The following SLC12A3 variants were observed in gnomAD, a reference collection of about 807,000 sequenced individuals.
SLC12A3 encodes solute carrier family 12 member 3.
Under a neutral mutation model 121.0 loss-of-function variants are expected in SLC12A3, and 104 were observed. The observed-to-expected ratio is 0.86, with a 90% CI of 0.73 to 1.01. The LOEUF (loss-of-function observed/expected upper bound fraction) is 1.01. Ranked by LOEUF, SLC12A3 falls within the 50% of genes least tolerant of loss-of-function variation. The pLI, the probability that SLC12A3 is intolerant of heterozygous loss-of-function variation, is 0.00. For synonymous variants in SLC12A3, 536 were observed against 533.4 expected (o/e 1.00, Z -0.07); for missense variants, 1,328 against 1,356.3 (o/e 0.98, Z 0.33).
chr16:56,911,706 G>A (rs958723474), intron 25 of SLC12A3, among the ~76,000 whole-genome samples: 13 of 152,172 alleles, frequency 8.5e-5, no homozygotes, highest in African/African-American at 3.1e-4. Flanking sequence ...TAGCTGTTTA[G>A]TATCCCAGTT....
chr16:56,888,801 G>A (rs961663365), intron 18 of SLC12A3, among the ~76,000 whole-genome samples: 2 of 151,698 alleles, frequency 1.3e-5, no homozygotes, highest in East Asian at 3.9e-4. Context: ...CTCGTGATCC[G>A]CCCACCTCGG....
chr16:56,881,010 A>G (rs1356750368), intron 12 of SLC12A3, among the ~76,000 whole-genome samples: 1 of 152,224 alleles, frequency 6.6e-6, no homozygotes, highest in Non-Finnish European at 1.5e-5. Flanking sequence ...CACATGCCCA[A>G]TACTTGCCTA....
intron 25 of SLC12A3, among the ~76,000 whole-genome samples, chr16:56,912,241 C>T (rs1240625815): frequency 1.3e-5 from 2 of 152,270 alleles, no homozygotes; most frequent in African/African-American, 4.8e-5. Context: ...CTGGAGCCCA[C>T]AGACCCTCCT....
At chr16:56,894,791 CCATGGCAGTG>C (rs1875164981) in intron 22 of SLC12A3, 149 bp downstream of exon 22, 1 of 658,324 alleles carries the variant, frequency 1.5e-6, no homozygotes, top group Admixed American at 2.3e-5. Context: ...TCTCTCCAGG[CCATGGCAGTG>C]GGCAGGAGCA....
intron 24 of SLC12A3, among the ~76,000 whole-genome samples, chr16:56,903,492 CTGCT>C (rs2055566523): frequency 6.6e-6 from 1 of 152,190 alleles, no homozygotes; most frequent in African/African-American, 2.4e-5. Context: ...GGGGGTGGGG[CTGCT>C]ACTGTCAGGC....
intron 15 of SLC12A3, 86 bp downstream of exon 15, chr16:56,885,450 T>G: frequency 1.1e-6 from 1 of 896,758 alleles, no homozygotes; most frequent in Non-Finnish European, 1.8e-6. Context: ...ACCTGTCACC[T>G]GACCCAGGCA....
intron 19 of SLC12A3, 133 bp from the exon 20 acceptor site, chr16:56,891,950 T>A: frequency 1.3e-6 from 1 of 757,038 alleles, no homozygotes; most frequent in Admixed American, 1.7e-5. Flanking sequence ...CAAGGCCAGG[T>A]GCAGTGGGGC....
chr16:56,890,091 G>T (rs1210852080), intron 18 of SLC12A3, among the ~76,000 whole-genome samples, 183 bp from the exon 19 acceptor site: 1 of 152,168 alleles, frequency 6.6e-6, no homozygotes, highest in Non-Finnish European at 1.5e-5. Flanking sequence ...TAGAGCTGGA[G>T]GAGTCCTGGG....
intron 8 of SLC12A3, 129 bp from the exon 9 acceptor site, chr16:56,877,948 C>T (rs1423974287): frequency 1.6e-6 from 1 of 636,230 alleles, no homozygotes; most frequent in Admixed American, 2.5e-5. Context: ...TCAGAGGTTG[C>T]TGCCCCCAGC....
At chr16:56,898,319 A>G (rs1390806465) in intron 22 of SLC12A3, among the ~76,000 whole-genome samples, 1 of 151,932 alleles carries the variant, frequency 6.6e-6, no homozygotes, top group Non-Finnish European at 1.5e-5. Context: ...CCCAGTCTGG[A>G]GTGCAGTCGG....
At chr16:56,871,571 C>G (rs894919712) in intron 6 of SLC12A3, among the ~76,000 whole-genome samples, 11 of 152,282 alleles carry the variant, frequency 7.2e-5, no homozygotes, top group African/African-American at 2.6e-4. Flanking sequence ...CTTGGATGCC[C>G]TGAGCTGAAT....
At chr16:56,908,866 C>G (rs140310485) in intron 25 of SLC12A3, among the ~76,000 whole-genome samples, 1 of 152,340 alleles carries the variant, frequency 6.6e-6, no homozygotes, top group African/African-American at 2.4e-5. Flanking sequence ...CCTGGGACGC[C>G]TCCCCAGACT....
chr16:56,879,490 G>A, intron 10 of SLC12A3, 52 bp from the exon 11 acceptor site: 5 of 1,452,170 alleles, frequency 3.4e-6, no homozygotes, highest in Non-Finnish European at 4.8e-6. Flanking sequence ...CACAGATGGG[G>A]GCTCCTGGCT....
At chr16:56,904,678 C>T (rs1445264249) in intron 25 of SLC12A3, 1 of 549,824 alleles carries the variant, frequency 1.8e-6, no homozygotes, top group Non-Finnish European at 3.3e-6. Flanking sequence ...GGGTCGAGGG[C>T]CTCACGTGTC....
intron 8 of SLC12A3, among the ~76,000 whole-genome samples, chr16:56,874,104 G>T (rs958339161): frequency 6.6e-6 from 1 of 152,180 alleles, no homozygotes; most frequent in Admixed American, 6.5e-5. Flanking sequence ...TGGGCCAAAC[G>T]CGTATCTGTT....
At position 56,873,374 on chromosome 16, in the gene SLC12A3, CTTTTTTTTTTTT is replaced by C. The variant is rs59478629; in HGVS notation, c.1095+606_1095+617del. Among the ~76,000 whole-genome samples the C allele has an allele frequency of 4.5e-3, 338 of 75,430 alleles. 5 individuals are homozygous for C. The highest frequency in any genetic ancestry group is 0.016 in the African/African-American group (309 of 19,106). The allele number at this position is 75,430 out of a possible 152,430, so 49.5% of individuals were successfully genotyped here. ...AAGTCTGTTCTGTTTCTCTTTCTTT[CTTTTTTTTTTTT>C]TTTTTTTTTTTTTTTTTGAGATGGA... On this transcript the variant is annotated intron_variant, in intron 8 of 25. Transcript: ENST00000563236.
chr16:56,868,104 G>T (rs1040910574), intron 2 of SLC12A3, among the ~76,000 whole-genome samples, 193 bp from the exon 3 acceptor site: 7 of 152,238 alleles, frequency 4.6e-5, no homozygotes, highest in Admixed American at 3.9e-4. Context: ...GGGAGGGATA[G>T]GTGGGTCTCT....
chr16:56,884,320 C>T, intron 14 of SLC12A3, 116 bp downstream of exon 14: 5 of 998,762 alleles, frequency 5.0e-6, no homozygotes, highest in Non-Finnish European at 7.7e-6. Flanking sequence ...GTCCAGGGCC[C>T]CTCTCTGCCC....
chr16:56,873,209 G>C (rs2055121690), intron 8 of SLC12A3, among the ~76,000 whole-genome samples: 1 of 152,080 alleles, frequency 6.6e-6, no homozygotes, highest in Admixed American at 6.6e-5. Flanking sequence ...CCTCATCCCT[G>C]ACCAGTGCCA....
Sources: allele counts gnomAD v4.1 joint callset (sites outside exome capture counted in the v4.1 genomes callset), GRCh38; gene constraint gnomAD v4.1.1; transcripts MANE v1.5; gene names NCBI Gene and HGNC (gene_info 2026-07-23, HGNC 2026-07-21).